ZNF654: variants seen among roughly 807,000 people sequenced by gnomAD.
ZNF654 encodes melanoma-associated antigen.
ZNF654 carries 19 observed loss-of-function variants against 95.3 expected under a neutral mutation model. The observed-to-expected ratio is 0.20, with a 90% CI of 0.14 to 0.29. The LOEUF is 0.29. Among genes scored for constraint, ZNF654 ranks in the 10% least tolerant of loss-of-function variants. The pLI is 1.00. For synonymous variants in ZNF654, 413 were observed against 457.9 expected, an observed-to-expected ratio of 0.90 and a Z score of 1.25; for missense variants, 1,046 against 1,341.0, an observed-to-expected ratio of 0.78 and a Z score of 3.44.
chr3:88,086,242 T>A lies in ZNF654; in HGVS notation c.187-15T>A. On this transcript the variant is annotated splice_polypyrimidine_tract_variant and intron_variant, in intron 1 of 8. Coordinates refer to ENST00000636215, the MANE Select transcript of ZNF654 (RefSeq NM_001350134.2). ...AACTTTTTCTATAGTAATGTCTGGA[T>A]TGCTTCTCTGTCAGGTGGTTGAAGA... The A allele has an allele frequency of 6.5e-7, 1 of 1,529,860 alleles. No homozygotes were observed. The highest frequency in any genetic ancestry group is 8.7e-7 in the Non-Finnish European group (1 of 1,145,382). 94.8% of individuals were successfully genotyped at this position (1,529,860 alleles called of 1,614,324 possible).
Position 88,138,694 on chromosome 3 carries a change from T to C in ZNF654, c.1036-11T>C. 1 of 1,230,380 alleles carries C rather than the reference T, an allele frequency of 8.1e-7. No homozygotes were observed. The allele number at this position is 1,230,380 out of a possible 1,614,324, so 76.2% of individuals were successfully genotyped here. A position where few individuals can be genotyped will look rare whatever the true frequency, so the allele number is the denominator to read the frequency against. On this transcript the variant is annotated splice_polypyrimidine_tract_variant and intron_variant, in intron 7 of 8. Transcript: ENST00000636215. Reference sequence around the variant, plus strand: ...AAAAAGTATTTAGCACTAATATTTTTCTTTTTACAGGTTGAAGAAGAAGGC... The same window carrying C: ...AAAAAGTATTTAGCACTAATATTTTCCTTTTTACAGGTTGAAGAAGAAGGC...
At chr3:88,086,435 T>C (rs185642650) in intron 2 of ZNF654, 33 bp downstream of exon 2, 96 of 1,436,002 alleles carry the variant, frequency 6.7e-5, no homozygotes, top group Non-Finnish European at 8.5e-5. Context: ...AAATGCATTA[T>C]TTTTCTTGAT....
intron 1 of ZNF654, 81 bp downstream of exon 1, chr3:88,059,586 C>T: frequency 1.4e-6 from 2 of 1,439,824 alleles, no homozygotes; most frequent in African/African-American, 1.4e-5. Flanking sequence ...GTCCATGAAT[C>T]TGGTCTATGT....
rs1447603169 is a variant in ZNF654, at chr3:88,143,831, T to C, written c.*2179T>C. On this transcript the variant is annotated 3_prime_UTR_variant, in exon 9 of 9. Coordinates refer to ENST00000636215, the MANE Select transcript of ZNF654 (RefSeq NM_001350134.2). ...TTTGACCACACTGTCTTAACCTCGG[T>C]TTATATACTTCTCAAATAGCTATTG... 2 of 151,908 alleles carry C rather than the reference T, an allele frequency of 1.3e-5. No homozygotes were observed. The highest frequency in any genetic ancestry group is 2.4e-5 in the African/African-American group (1 of 41,428). The allele number at this position is 151,908 out of a possible 1,614,324, so 9.4% of individuals were successfully genotyped here.
intron 2 of ZNF654, among the ~76,000 whole-genome samples, chr3:88,101,918 G>A (rs1433475967): frequency 1.3e-5 from 2 of 152,020 alleles, no homozygotes; most frequent in Non-Finnish European, 2.9e-5. Context: ...TCGTTGGTAA[G>A]CATCTTTTTG....
At chr3:88,116,557 T>TACACAC (rs745598873) in intron 3 of ZNF654, among the ~76,000 whole-genome samples, 5 of 25,502 alleles carry the variant, frequency 2.0e-4, no homozygotes, top group Non-Finnish European at 4.9e-4. Flanking sequence ...TACATACATA[T>TACACAC]ATATACACAC....
rs185941098 is a variant in ZNF654, at chr3:88,142,330, T to G, written c.*678T>G. On this transcript the variant is annotated 3_prime_UTR_variant, in exon 9 of 9. Transcript: ENST00000636215. ...CCACAGTGCTTTGCTAATAAGCTCTTGATAGAACCTCCCACTAACCACTTT... is the reference window on the plus strand; with the variant it reads ...CCACAGTGCTTTGCTAATAAGCTCTGGATAGAACCTCCCACTAACCACTTT... 329 of 152,196 alleles carry G rather than the reference T, an allele frequency of 2.2e-3. 1 individual carries two copies. The highest frequency in any genetic ancestry group is 3.0e-3 in the Non-Finnish European group (200 of 67,786). The allele number at this position is 152,196 out of a possible 1,614,324, so 9.4% of individuals were successfully genotyped here.
At chr3:88,126,039 C>T in intron 3 of ZNF654, 95 bp from the exon 4 acceptor site, 1 of 1,224,460 alleles carries the variant, frequency 8.2e-7, no homozygotes, top group Non-Finnish European at 1.1e-6. Flanking sequence ...TAATAGCTGC[C>T]TCACTGGCCA....
intron 2 of ZNF654, among the ~76,000 whole-genome samples, chr3:88,091,778 C>T (rs924998817): frequency 2.0e-5 from 3 of 152,182 alleles, no homozygotes; most frequent in Admixed American, 2.0e-4. Context: ...TGCACATGCT[C>T]TCTTGCCTGC....
chr3:88,078,449 G>T (rs58927407), intron 1 of ZNF654, among the ~76,000 whole-genome samples: 8,489 of 152,178 alleles, frequency 0.056, 261 homozygotes, highest in Admixed American at 0.078. Flanking sequence ...ACTGGGGTAG[G>T]GGGTGGGACA....
At position 88,075,920 on chromosome 3, in the gene ZNF654, A is replaced by G. The variant is rs150300465; in HGVS notation, c.187-10337A>G. On this transcript the variant is annotated intron_variant, in intron 1 of 8. Coordinates refer to ENST00000636215, the MANE Select transcript of ZNF654 (RefSeq NM_001350134.2). ...CTTAAGAAAAAAATCTTACCAGCAC[A>G]ACATCAAACCCAAGACTGACCTCTT... Among the ~76,000 whole-genome samples the G allele has an allele frequency of 7.2e-3, 1,092 of 152,314 alleles. 14 individuals carry two copies. The highest frequency in any genetic ancestry group is 0.024 in the African/African-American group (1,004 of 41,572).
At chr3:88,111,959 C>G (rs561151782) in intron 2 of ZNF654, among the ~76,000 whole-genome samples, 2 of 151,804 alleles carry the variant, frequency 1.3e-5, no homozygotes, top group African/African-American at 4.8e-5. Context: ...TTACTTTCTG[C>G]GAAATATTCT....
chr3:88,132,129 A>ATTGTG (rs1706502158), intron 6 of ZNF654, among the ~76,000 whole-genome samples: 1 of 152,232 alleles, frequency 6.6e-6, no homozygotes, highest in Non-Finnish European at 1.5e-5. Flanking sequence ...GCCATTCAAT[A>ATTGTG]TTGTGTTCAA....
At chr3:88,071,989 C>G (rs925402375) in intron 1 of ZNF654, among the ~76,000 whole-genome samples, 7 of 152,132 alleles carry the variant, frequency 4.6e-5, no homozygotes, top group Non-Finnish European at 7.4e-5. Context: ...CATACTTTTT[C>G]TTACTATCAA....
At chr3:88,088,897 C>T (rs191875540) in intron 2 of ZNF654, among the ~76,000 whole-genome samples, 9 of 151,446 alleles carry the variant, frequency 5.9e-5, no homozygotes, top group African/African-American at 1.7e-4. Flanking sequence ...CTCAGCCTCC[C>T]GAGTAGCTGG....
At chr3:88,111,402 C>G (rs1324298499) in intron 2 of ZNF654, among the ~76,000 whole-genome samples, 1 of 151,802 alleles carries the variant, frequency 6.6e-6, no homozygotes, top group East Asian at 1.9e-4. Flanking sequence ...TATGTTCCCC[C>G]ACCCCCTGAC....
intron 2 of ZNF654, among the ~76,000 whole-genome samples, chr3:88,112,510 A>G (rs944027364): frequency 5.7e-5 from 6 of 106,070 alleles, no homozygotes; most frequent in African/African-American, 1.8e-4. Context: ...TTTCCAAATA[A>G]TTTATTTAAA....
In ZNF654 at chr3:88,135,052, C is replaced by T. The variant is rs768482517; in HGVS notation, c.894-9C>T. ...ATTTTTGATAATTCTCTTTTTTTCT[C>T]ATTTACAGGGAGTTGATTTTCATAT... On this transcript the variant is annotated splice_polypyrimidine_tract_variant and intron_variant, in intron 6 of 8. Coordinates refer to ENST00000636215, the MANE Select transcript of ZNF654 (RefSeq NM_001350134.2). The T allele has an allele frequency of 4.7e-4, 652 of 1,378,178 alleles. No homozygotes were observed. The highest frequency in any genetic ancestry group is 5.6e-4 in the Non-Finnish European group (600 of 1,068,898). The allele number at this position is 1,378,178 out of a possible 1,614,324, so 85.4% of individuals were successfully genotyped here. A position where few individuals can be genotyped will look rare whatever the true frequency, so the allele number is the denominator to read the frequency against.
chr3:88,059,408 T>G lies in ZNF654; in HGVS notation c.89T>G (p.Leu30Arg). The change falls in exon 1 of 9, where the codon CTT becomes CGT. Residue 30 changes from leucine (L) to arginine (R), a missense_variant. Physicochemically the swap from Leu to Arg is moderately radical, Grantham distance 102. Transcript: ENST00000636215. ...IVESPLGPVG[L>R]RAAGDGRGGA... Reference sequence around the variant, plus strand: ...GAGTCCCCGCTGGGCCCTGTGGGGCTTAGAGCTGCGGGCGACGGCAGAGGC... The same window carrying G: ...GAGTCCCCGCTGGGCCCTGTGGGGCGTAGAGCTGCGGGCGACGGCAGAGGC... 1.3e-6 allele frequency: 2 copies of G among 1,531,370 alleles called. No homozygotes were observed. The highest frequency in any genetic ancestry group is 1.7e-6 in the Non-Finnish European group (2 of 1,145,082). The allele number at this position is 1,531,370 out of a possible 1,614,324, so 94.9% of individuals were successfully genotyped here.
Sources: gnomAD v4.1 joint callset for allele counts (sites outside exome capture counted in the v4.1 genomes callset) on GRCh38, gnomAD v4.1.1 for gene constraint, MANE v1.5 for transcripts, NCBI Gene and HGNC (gene_info 2026-07-23, HGNC 2026-07-21) for gene names.